Variants in TTC7A observed in about 807,000 individuals in gnomAD.
The protein encoded by TTC7A is tetratricopeptide repeat domain 7A.
In TTC7A, 110 loss-of-function variants were observed where a neutral mutation model predicts 103.7. That is an observed-to-expected ratio of 1.06 (90% confidence interval 0.91 to 1.24). TTC7A has a LOEUF of 1.24. Among genes scored for constraint, TTC7A ranks in the 50% most tolerant of loss-of-function variants. The pLI, the probability that TTC7A is intolerant of heterozygous loss-of-function variation, is 0.00. For missense variants in TTC7A, 1,340 were observed against 1,116.3 expected, an observed-to-expected ratio of 1.20 and a Z score of -2.86; for synonymous variants, 521 against 467.9, an observed-to-expected ratio of 1.11 and a Z score of -1.47.
rs1161003607 is a variant in TTC7A, at chr2:46,934,787, C to CTTTT, written c.83-15547_83-15544dup. On this transcript the variant is annotated intron_variant, in intron 2 of 20. Coordinates refer to the TTC7A transcript ENST00000409245. Reference sequence around the variant, plus strand: ...GGAATAAGGTATGAAGACTACTGCTCTTTTTTTTTTTTTTTTTTTTTTTTT... The same window carrying CTTTT: ...GGAATAAGGTATGAAGACTACTGCTCTTTTTTTTTTTTTTTTTTTTTTTTTTTTT... Among the ~76,000 whole-genome samples, 134 of 66,904 alleles carry CTTTT rather than the reference C, an allele frequency of 2.0e-3. 13 individuals carry two copies. The highest frequency in any genetic ancestry group is 7.4e-3 in the African/African-American group (114 of 15,418). 43.9% of individuals were successfully genotyped at this position (66,904 alleles called of 152,430 possible).
At chr2:46,983,082 C>T (rs1204839296) in intron 5 of TTC7A, among the ~76,000 whole-genome samples, 1 of 152,218 alleles carries the variant, frequency 6.6e-6, no homozygotes, top group African/African-American at 2.4e-5. Flanking sequence ...GCTGGACAGG[C>T]TGCTGGCCCA....
At chr2:47,021,106 C>T (rs1679231936) in intron 11 of TTC7A, among the ~76,000 whole-genome samples, 1 of 152,202 alleles carries the variant, frequency 6.6e-6, no homozygotes, top group South Asian at 2.1e-4. Context: ...TGGAAACTGG[C>T]GTTTTCAATG....
intron 8 of TTC7A, among the ~76,000 whole-genome samples, chr2:47,000,416 G>A (rs1029710451): frequency 4.6e-5 from 7 of 152,340 alleles, no homozygotes; most frequent in Middle Eastern, 3.4e-3. Context: ...CCAGCTTAGA[G>A]CCCTTGGTTC....
chr2:47,035,742 A>T (rs1278936549), intron 15 of TTC7A: 1 of 152,204 alleles, frequency 6.6e-6, no homozygotes, highest in African/African-American at 2.4e-5. Context: ...TGCTTGCGGC[A>T]GGGGCTGGAG....
rs767439462 is a variant in TTC7A at position 47,007,283 on chromosome 2, C to G, written c.1287+559C>G. Reference sequence around the variant, plus strand: ...GGACGCTGCCCGGAGCAAGGAGCACCGGGCATGAGTTCACTCTCTATCCAC... The same window carrying G: ...GGACGCTGCCCGGAGCAAGGAGCACGGGGCATGAGTTCACTCTCTATCCAC... On this transcript the variant is annotated intron_variant, in intron 10 of 19. Coordinates refer to ENST00000319190, the MANE Select transcript of TTC7A (RefSeq NM_020458.4). This position sits in a 1 kb window ranked among gnomAD's most constrained non-coding sequence, Gnocchi z 4.9. Among the ~76,000 whole-genome samples, 12 of 151,936 alleles carry G rather than the reference C, an allele frequency of 7.9e-5. No individual in the cohort carries two copies. Among genetic ancestry groups the G allele is most frequent in the Non-Finnish European group, 1.8e-4 (12 of 67,972 alleles).
At chr2:46,935,609 C>G (rs900889651) in intron 2 of TTC7A, among the ~76,000 whole-genome samples, 7 of 152,102 alleles carry the variant, frequency 4.6e-5, no homozygotes, top group Admixed American at 4.6e-4. Context: ...ATTTACTTTT[C>G]TAGATAGCAT....
At chr2:47,025,654 A>G (rs1038963735) in intron 14 of TTC7A, among the ~76,000 whole-genome samples, 1 of 151,982 alleles carries the variant, frequency 6.6e-6, no homozygotes, top group African/African-American at 2.4e-5. Flanking sequence ...CTCCCTCTCC[A>G]GGTTCTTCTG....
intron 15 of TTC7A, among the ~76,000 whole-genome samples, chr2:47,042,675 A>T (rs1265670632): frequency 6.7e-6 from 1 of 148,398 alleles, no homozygotes; most frequent in Non-Finnish European, 1.5e-5. Flanking sequence ...CTGAGCCCCA[A>T]GTGTGTGTGT....
At chr2:47,043,734 C>A (rs1558619903) in intron 15 of TTC7A, among the ~76,000 whole-genome samples, 1 of 152,176 alleles carries the variant, frequency 6.6e-6, no homozygotes, top group Non-Finnish European at 1.5e-5. Flanking sequence ...ACTGGTGGAG[C>A]ACTTGCCCCA....
At chr2:47,009,495 A>AG (rs1001691739) in intron 10 of TTC7A, among the ~76,000 whole-genome samples, 37 of 152,128 alleles carry the variant, frequency 2.4e-4, no homozygotes, top group African/African-American at 8.2e-4. Context: ...GCCAAAGCCC[A>AG]GGGAAATCTA....
intron 2 of TTC7A, chr2:46,917,293 G>A (rs757597660): frequency 1.1e-5 from 7 of 656,226 alleles, no homozygotes; most frequent in Admixed American, 2.7e-5. Flanking sequence ...CCACCGCGCC[G>A]GGACAAAGAA....
chr2:46,992,513 A>C (rs941829626), intron 5 of TTC7A, among the ~76,000 whole-genome samples: 1 of 152,134 alleles, frequency 6.6e-6, no homozygotes, highest in Non-Finnish European at 1.5e-5. Flanking sequence ...TTCAGAAAGG[A>C]CTTGCTTGAG....
At chr2:46,948,068 T>A (rs1384830340) in intron 1 of TTC7A, among the ~76,000 whole-genome samples, 2 of 152,198 alleles carry the variant, frequency 1.3e-5, no homozygotes, top group Non-Finnish European at 2.9e-5. Context: ...GGCAGGTGGA[T>A]GGCAGAGTGC....
rs1232795481 is a variant in TTC7A, at chr2:47,017,819, T to C, written c.1393-4043T>C. ...GTCTTTGATGCCACTTCCCAATTTGTCATGTAGCTATGAGGAACCAGGACT... is the reference window on the plus strand; with the variant it reads ...GTCTTTGATGCCACTTCCCAATTTGCCATGTAGCTATGAGGAACCAGGACT... On this transcript the variant is annotated intron_variant, in intron 11 of 19. Transcript: ENST00000319190. Among the ~76,000 whole-genome samples, 3 of 152,246 alleles carry C rather than the reference T, an allele frequency of 2.0e-5. No individual in the cohort carries two copies. The East Asian group carries it at 5.8e-4, about 29-fold the overall frequency.
chr2:47,019,658 ACAGATACTTTGC>A (rs1236318867), intron 11 of TTC7A, among the ~76,000 whole-genome samples: 2 of 152,138 alleles, frequency 1.3e-5, no homozygotes, highest in African/African-American at 4.8e-5. Flanking sequence ...GAACTGGAGA[ACAGATACTTTGC>A]CAGTATCTGC....
intron 3 of TTC7A, among the ~76,000 whole-genome samples, chr2:46,969,300 G>A (rs1486201786): frequency 1.3e-5 from 2 of 151,846 alleles, no homozygotes; most frequent in Admixed American, 6.6e-5. Flanking sequence ...TCAGGAGATC[G>A]AGACTATCCT....
chr2:47,058,772 G>A (rs1008005274), intron 18 of TTC7A, among the ~76,000 whole-genome samples: 4 of 152,208 alleles, frequency 2.6e-5, no homozygotes, highest in Admixed American at 6.5e-5. Context: ...AGTGCCTACC[G>A]TGGGGTGTGC....
intron 15 of TTC7A, 108 bp from the exon 16 acceptor site, chr2:47,046,207 C>G: frequency 2.5e-6 from 2 of 811,112 alleles, no homozygotes; most frequent in South Asian, 1.5e-5. Flanking sequence ...ACTCTGCTTT[C>G]TGCGAGTTAG....
intron 16 of TTC7A, among the ~76,000 whole-genome samples, chr2:47,048,271 A>G (rs1291704581): frequency 6.6e-6 from 1 of 152,210 alleles, no homozygotes; most frequent in Non-Finnish European, 1.5e-5. Flanking sequence ...AGGTTCTTCA[A>G]GGTAGGGACC....
Sources: gnomAD v4.1 joint callset for allele counts (sites outside exome capture counted in the v4.1 genomes callset) on GRCh38, gnomAD v4.1.1 for gene constraint, Gnocchi (gnomAD v3.1) non-coding constraint, MANE v1.5 for transcripts, NCBI Gene and HGNC (gene_info 2026-07-23, HGNC 2026-07-21) for gene names.